MAP3K15: variants seen among roughly 807,000 people sequenced by gnomAD.
The protein encoded by MAP3K15 is MAPK/ERK kinase kinase 15.
A neutral mutation model predicts 99.5 loss-of-function variants in MAP3K15; 124 were observed. That is an observed-to-expected ratio of 1.25 (90% CI 1.08 to 1.45). The LOEUF (loss-of-function observed/expected upper bound fraction) is 1.45. Among genes scored for constraint, MAP3K15 ranks in the 40% most tolerant of loss-of-function variants. The pLI, the probability that MAP3K15 is intolerant of heterozygous loss-of-function variation, is 0.00. For synonymous variants in MAP3K15, 494 were observed against 439.6 expected (o/e 1.12, Z -1.55); for missense variants, 1,242 against 1,079.7 (o/e 1.15, Z -2.11).
intron 1 of MAP3K15, among the ~76,000 whole-genome samples, chrX:19,512,244 T>C (rs190137189): frequency 5.4e-3 from 598 of 111,405 alleles, no homozygotes; most frequent in Middle Eastern, 0.014. Flanking sequence ...GACAGGTTGA[T>C]TGGTGCAGCA....
In MAP3K15 at chrX:19,409,911, C is replaced by T; in HGVS notation, c.1748+13G>A. ...CATTAAAATAGTAACTCCATTTTCT[C>T]CTATGTTCTTACCTTATTCCCTTTA... On this transcript the variant is annotated intron_variant, in intron 12 of 28. Coordinates refer to ENST00000338883, the MANE Select transcript of MAP3K15 (RefSeq NM_001001671.4). The T allele has an allele frequency of 3.4e-6, 4 of 1,169,941 alleles. No homozygotes were observed. The highest frequency in any genetic ancestry group is 4.6e-6 in the Non-Finnish European group (4 of 860,521).
At chrX:19,370,136 G>T (rs952248958) in intron 24 of MAP3K15, among the ~76,000 whole-genome samples, 4 of 111,801 alleles carry the variant, frequency 3.6e-5, no homozygotes, top group Non-Finnish European at 3.8e-5. Context: ...GATGGCGACA[G>T]AATGGGCTGT....
At chrX:19,464,463 T>G in intron 3 of MAP3K15, 57 bp from the exon 4 acceptor site, 1 of 967,791 alleles carries the variant, frequency 1.0e-6, no homozygotes, top group Non-Finnish European at 1.4e-6. Flanking sequence ...GTGTAGGCTC[T>G]GGGCAGGTGG....
intron 4 of MAP3K15, among the ~76,000 whole-genome samples, chrX:19,461,868 G>T (rs1187575002): frequency 9.0e-6 from 1 of 110,560 alleles, no homozygotes; most frequent in African/African-American, 3.3e-5. Context: ...GTGGGTGCCT[G>T]TAATCCCAGC....
At chrX:19,375,929 T>G (rs914695297) in intron 19 of MAP3K15, among the ~76,000 whole-genome samples, 4 of 112,024 alleles carry the variant, frequency 3.6e-5, no homozygotes, top group African/African-American at 1.3e-4. Context: ...CAATGCAGGG[T>G]GCCTCACAGG....
intron 24 of MAP3K15, among the ~76,000 whole-genome samples, chrX:19,370,183 G>C (rs193188257): frequency 9.0e-6 from 1 of 111,690 alleles, no homozygotes; most frequent in Non-Finnish European, 1.9e-5. Context: ...ACCAGAGAAG[G>C]AGAATCAACT....
chrX:19,514,552 G>GGGAGGGGGATGAGA (rs2064542937), intron 1 of MAP3K15, among the ~76,000 whole-genome samples: 1 of 36,548 alleles, frequency 2.7e-5, no homozygotes, highest in Non-Finnish European at 4.9e-5. Flanking sequence ...GGGGGCTAAG[G>GGGAGGGGGATGAGA]GGAGGGGGAT....
chrX:19,364,791 G>A (rs758125515), intron 25 of MAP3K15, among the ~76,000 whole-genome samples: 79 of 108,617 alleles, frequency 7.3e-4, no homozygotes, highest in African/African-American at 2.7e-3. Context: ...TACTTGGGAG[G>A]CTGAGGCAGG....
At chrX:19,474,552 G>GA (rs755236065) in intron 3 of MAP3K15, among the ~76,000 whole-genome samples, 4 of 94,757 alleles carry the variant, frequency 4.2e-5, no homozygotes, top group South Asian at 1.3e-3. Flanking sequence ...TTGGGGGGGG[G>GA]GGTCTGTGAA....
At chrX:19,397,592 T>G (rs1407261608) in intron 15 of MAP3K15, among the ~76,000 whole-genome samples, 1 of 110,189 alleles carries the variant, frequency 9.1e-6, no homozygotes, top group Non-Finnish European at 1.9e-5. Context: ...CCTGCCTGAG[T>G]GACAGAGTGA....
At chrX:19,413,493 T>C (rs755992205) in intron 10 of MAP3K15, 29 bp from the exon 11 acceptor site, 49 of 1,089,984 alleles carry the variant, frequency 4.5e-5, no homozygotes, top group Non-Finnish European at 6.2e-5. Context: ...CCTGTTAACG[T>C]ACATGGGTAG....
In MAP3K15 at chrX:19,425,571, GGAC is replaced by G; in HGVS notation, c.1396_1398del (p.Val466del). ...AGTTTGAACAACCTCTCTGCTGCCT[GGAC>G]GGCTTTCCCGACATCATGGGCCAGC... is the stretch of plus-strand genomic sequence containing the variant. On this transcript the variant is annotated inframe_deletion, in exon 9 of 29. Coordinates refer to ENST00000338883, the MANE Select transcript of MAP3K15 (RefSeq NM_001001671.4). 1 of 1,198,908 alleles carries G rather than the reference GGAC, an allele frequency of 8.3e-7. No individual in the cohort carries two copies. The highest frequency in any genetic ancestry group is 1.1e-6 in the Non-Finnish European group (1 of 894,426).
Position 19,464,788 on chromosome X carries a change from T to A in MAP3K15, c.526-382A>T, listed in dbSNP as rs150797929. On this transcript the variant is annotated intron_variant, in intron 3 of 28. Transcript: ENST00000338883. ...ATATTGTTTTTTCTTTCAGCATAGATGAAAAAGGCATATTATTTGATCATT... is the reference window on the plus strand; with the variant it reads ...ATATTGTTTTTTCTTTCAGCATAGAAGAAAAAGGCATATTATTTGATCATT... 2.7e-5 allele frequency among the ~76,000 whole-genome samples: 3 copies of A among 111,925 alleles called. No individual in the cohort carries two copies. The East Asian group carries it at 8.4e-4, about 31-fold the overall frequency.
At chrX:19,501,437 G>A (rs1421444440) in intron 1 of MAP3K15, among the ~76,000 whole-genome samples, 3 of 111,784 alleles carry the variant, frequency 2.7e-5, no homozygotes, top group Admixed American at 9.5e-5. Context: ...TGTCAGATAT[G>A]CACCACTGAA....
At position 19,361,448 on chromosome X, in the gene MAP3K15, C is replaced by T. The variant is rs374494282; in HGVS notation, c.3781-33G>A. ...AAAGATCAGATCCTTAAGAGCTGAG[C>T]AGCTGTGTAACAACAGCATAAGAAT... On this transcript the variant is annotated intron_variant, in intron 27 of 28. Transcript: ENST00000338883. 21 of 1,185,169 alleles carry T rather than the reference C, an allele frequency of 1.8e-5. No individual in the cohort carries two copies. The South Asian group carries it at 2.5e-4, about 14-fold the overall frequency.
chrX:19,373,990 T>C (rs766547186), intron 20 of MAP3K15, among the ~76,000 whole-genome samples: 1 of 111,403 alleles, frequency 9.0e-6, no homozygotes, highest in South Asian at 3.8e-4. Flanking sequence ...CTTACATCAT[T>C]GCCAGTTAGG....
At chrX:19,485,294 G>A (rs1463827027) in intron 3 of MAP3K15, among the ~76,000 whole-genome samples, 1 of 72,718 alleles carries the variant, frequency 1.4e-5, no homozygotes, top group African/African-American at 5.8e-5. Flanking sequence ...GGCTGACAGA[G>A]CGAGACTCTG....
intron 7 of MAP3K15, among the ~76,000 whole-genome samples, chrX:19,430,640 C>T (rs1296226624): frequency 9.0e-6 from 1 of 111,210 alleles, no homozygotes; most frequent in Non-Finnish European, 1.9e-5. Flanking sequence ...TCAAACCCTC[C>T]ATTTGATGTT....
At chrX:19,431,236 G>C (rs1487205856) in intron 7 of MAP3K15, among the ~76,000 whole-genome samples, 4 of 111,604 alleles carry the variant, frequency 3.6e-5, no homozygotes, top group Non-Finnish European at 5.6e-5. Flanking sequence ...CCTGTGGGAA[G>C]AGTGTGACCA....
Sources: allele counts gnomAD v4.1 joint callset (sites outside exome capture counted in the v4.1 genomes callset), GRCh38; gene constraint gnomAD v4.1.1; transcripts MANE v1.5; gene names NCBI Gene and HGNC (gene_info 2026-07-23, HGNC 2026-07-21).